The following UNC13B variants were observed in gnomAD, a reference collection of about 807,000 sequenced individuals.
UNC13B encodes protein unc-13 homolog B.
A neutral mutation model predicts 211.0 loss-of-function variants in UNC13B; 144 were observed. The observed-to-expected ratio is 0.68, with a 90% CI of 0.60 to 0.78. UNC13B has a LOEUF of 0.78. UNC13B is among the 30% of genes least tolerant of loss of function. The probability of loss-of-function intolerance (pLI) is 0.00; values close to 1 mark genes in which losing one functional copy is unlikely to be tolerated. For synonymous variants in UNC13B, 709 were observed against 725.8 expected (o/e 0.98, Z 0.37); for missense variants, 1,777 against 2,002.0 (o/e 0.89, Z 2.14).
chr9:35,259,803 G>GGA (rs1554693369), intron 7 of UNC13B, among the ~76,000 whole-genome samples: 1 of 145,206 alleles, frequency 6.9e-6, no homozygotes, highest in African/African-American at 2.6e-5. Context: ...ATGCGGGGGG[G>GGA]GGGGATTTTG....
At chr9:35,284,901 C>T (rs1335590551) in intron 7 of UNC13B, among the ~76,000 whole-genome samples, 1 of 152,198 alleles carries the variant, frequency 6.6e-6, no homozygotes, top group East Asian at 1.9e-4. Flanking sequence ...TTAGCCAGTA[C>T]TGGACTACTA....
intron 23 of UNC13B, 100 bp from the exon 24 acceptor site, chr9:35,386,065 A>G: frequency 2.6e-6 from 4 of 1,549,568 alleles, no homozygotes; most frequent in Non-Finnish European, 3.5e-6. Context: ...GGACCCAGAC[A>G]GGGATGAAAG....
chr9:35,353,393 G>A, intron 11 of UNC13B: 1 of 1,232,314 alleles, frequency 8.1e-7, no homozygotes, highest in Non-Finnish European at 1.0e-6. Flanking sequence ...TTCCCAGTCA[G>A]AGAACAGTGA....
At position 35,404,111 on chromosome 9, in the gene UNC13B, C is replaced by T. The variant is rs866945479; in HGVS notation, c.*78C>T. The T allele has an allele frequency of 1.3e-6, 2 of 1,534,012 alleles. No individual in the cohort carries two copies. Among genetic ancestry groups the T allele is most frequent in the Non-Finnish European group, 8.8e-7 (1 of 1,141,338 alleles). ...CAGTGGGAGTTAGCTGTGTAACCGG[C>T]TTAGGGTCTTTGCAGTCAAGAGGCT... On this transcript the variant is annotated 3_prime_UTR_variant, in exon 40 of 40. Coordinates refer to ENST00000635942, the MANE Select transcript of UNC13B (RefSeq NM_001371189.2).
intron 11 of UNC13B, among the ~76,000 whole-genome samples, chr9:35,324,893 C>T (rs995556315): frequency 6.6e-6 from 1 of 152,176 alleles, no homozygotes; most frequent in Non-Finnish European, 1.5e-5. Context: ...ACCCATATTT[C>T]TAACTACTTC....
At chr9:35,204,814 C>A (rs1330101591) in intron 1 of UNC13B, among the ~76,000 whole-genome samples, 1 of 152,098 alleles carries the variant, frequency 6.6e-6, no homozygotes, top group Non-Finnish European at 1.5e-5. Context: ...GGATTTTGGA[C>A]CTTTGAGTTA....
chr9:35,203,791 G>A (rs1013654471), intron 1 of UNC13B, among the ~76,000 whole-genome samples: 1 of 152,234 alleles, frequency 6.6e-6, no homozygotes, highest in African/African-American at 2.4e-5. Flanking sequence ...ATGAAAGTTT[G>A]GGAAATTTGT....
Position 35,295,753 on chromosome 9 carries a change from C to T in UNC13B, c.584C>T (p.Thr195Ile). 6.2e-7 allele frequency: 1 copy of T among 1,614,060 alleles called. No individual in the cohort carries two copies. The highest frequency in any genetic ancestry group is 1.1e-5 in the South Asian group (1 of 91,058). The stretch of plus-strand genomic sequence containing the variant: ...CGAGATAGTGACTATCGCAGTGAGA[C>T]CAGCAACAGCTTCCCACCTCCTTAC... ...DDRDSDYRSE[T>I]SNSFPPPYHT... Residue 195 changes from threonine to isoleucine, a missense_variant, in exon 8 of 40, where the codon ACC (threonine) becomes ATC (isoleucine). Coordinates refer to ENST00000635942, the MANE Select transcript of UNC13B (RefSeq NM_001371189.2).
chr9:35,385,110 G>A, intron 22 of UNC13B: 2 of 985,466 alleles, frequency 2.0e-6, no homozygotes, highest in Non-Finnish European at 2.4e-6. Flanking sequence ...TGTGAAGACA[G>A]GCTCAGCATC....
At chr9:35,196,241 C>T (rs1822933219) in intron 1 of UNC13B, among the ~76,000 whole-genome samples, 1 of 151,794 alleles carries the variant, frequency 6.6e-6, no homozygotes, top group Admixed American at 6.6e-5. Flanking sequence ...GGTGATACAC[C>T]TTTTTACTTC....
chr9:35,237,523 A>G (rs10972393), intron 4 of UNC13B, among the ~76,000 whole-genome samples, 180 bp from the exon 5 acceptor site: 27,728 of 152,096 alleles, frequency 0.18, 2,872 homozygotes, highest in Non-Finnish European at 0.24. Context: ...TCCCCACCAA[A>G]GAGGGAAAAC....
At chr9:35,229,799 C>A (rs2131497778) in intron 2 of UNC13B, among the ~76,000 whole-genome samples, 1 of 152,124 alleles carries the variant, frequency 6.6e-6, no homozygotes. Flanking sequence ...AAAACCACAC[C>A]ATTTTAAATG....
rs1829857209 is a variant in UNC13B at position 35,304,992 on chromosome 9, A to T, written c.5588A>T (p.Gln1863Leu). ...TTAAAATCTGGTTTCCAGGTAAGCC[A>T]AACAACTCCTCAGGCTAAATCAGGT... Reference protein sequence around the residue: ...SLLKSGFQVSQTTPQAKSGVK... With the variant: ...SLLKSGFQVSLTTPQAKSGVK... Residue 1863 changes from glutamine to leucine, a missense_variant, in exon 9 of 40, where the codon CAA becomes CTA. Transcript: ENST00000635942. The T allele has an allele frequency of 2.5e-6, 1 of 398,970 alleles. No homozygotes were observed. 24.7% of individuals were successfully genotyped at this position (398,970 alleles called of 1,614,324 possible). A position where few individuals can be genotyped will look rare whatever the true frequency, so the allele number is the denominator to read the frequency against.
chr9:35,394,305 G>A (rs1317808845), intron 26 of UNC13B, among the ~76,000 whole-genome samples: 3 of 152,072 alleles, frequency 2.0e-5, no homozygotes, highest in African/African-American at 7.2e-5. Flanking sequence ...TCCATCCGAA[G>A]CTTATATAGG....
In UNC13B at chr9:35,377,319, G is replaced by T. The variant is rs1359308828; in HGVS notation, c.9836-149G>T. 10 of 741,272 alleles carry T rather than the reference G, an allele frequency of 1.3e-5. No individual in the cohort carries two copies. The South Asian group carries it at 1.9e-4, about 14-fold the overall frequency. The allele number at this position is 741,272 out of a possible 1,614,324, so 45.9% of individuals were successfully genotyped here. A position where few individuals can be genotyped will look rare whatever the true frequency, so the allele number is the denominator to read the frequency against. ...CATCATGAAGGGGTGGCAAGTGCAG[G>T]TGCCAGAGGGCCCTTGCTTAATTGC... On this transcript the variant is annotated intron_variant, in intron 15 of 39. Coordinates refer to ENST00000635942, the MANE Select transcript of UNC13B (RefSeq NM_001371189.2).
At chr9:35,214,355 A>G (rs925226636) in intron 1 of UNC13B, among the ~76,000 whole-genome samples, 1 of 152,176 alleles carries the variant, frequency 6.6e-6, no homozygotes, top group Non-Finnish European at 1.5e-5. Flanking sequence ...TGAACCCTGG[A>G]GGCAGAGGTT....
At chr9:35,273,083 C>A (rs1166362637) in intron 7 of UNC13B, among the ~76,000 whole-genome samples, 3 of 152,116 alleles carry the variant, frequency 2.0e-5, no homozygotes, top group East Asian at 3.8e-4. Context: ...GTCCTGAGTA[C>A]GAATCATTCT....
At chr9:35,369,053 C>G (rs1055918458) in intron 12 of UNC13B, among the ~76,000 whole-genome samples, 1 of 152,130 alleles carries the variant, frequency 6.6e-6, no homozygotes, top group Non-Finnish European at 1.5e-5. Flanking sequence ...AGAAGCTGTC[C>G]TAAGTATAGA....
In UNC13B at chr9:35,182,834, T is replaced by C. The variant is rs371571571; in HGVS notation, c.22+20529T>C. Among the ~76,000 whole-genome samples the C allele has an allele frequency of 7.6e-4, 116 of 152,316 alleles. 2 individuals carry two copies. In the South Asian group the frequency reaches 0.019, roughly 25 times the overall value. On this transcript the variant is annotated intron_variant, in intron 1 of 39. Transcript: ENST00000635942. ...CATCCCAAGGCAGAATAATTTTTCT[T>C]AGTACAGAACAAAATGGAGTCTCCT...
Sources: allele counts gnomAD v4.1 joint callset (sites outside exome capture counted in the v4.1 genomes callset), GRCh38; gene constraint gnomAD v4.1.1; transcripts MANE v1.5; gene names NCBI Gene and HGNC (gene_info 2026-07-23, HGNC 2026-07-21).